GPR37L1: variants seen among roughly 807,000 people sequenced by gnomAD.
GPR37L1 encodes G protein-coupled receptor 37-like 1.
A neutral mutation model predicts 18.0 loss-of-function variants in GPR37L1; 18 were observed. The ratio of observed to expected loss-of-function variants is 1.00; its 90% CI spans 0.69 to 1.49. The LOEUF (loss-of-function observed/expected upper bound fraction) is 1.49, where lower values mean the gene tolerates loss of function less well. Ranked by LOEUF, GPR37L1 falls within the 40% of genes most tolerant of loss-of-function variation. The pLI is 0.00. For synonymous variants in GPR37L1, 256 were observed against 273.9 expected, an observed-to-expected ratio of 0.93 and a Z score of 0.65; for missense variants, 558 against 615.1, an observed-to-expected ratio of 0.91 and a Z score of 0.98.
rs1272771573 is a variant in GPR37L1, at chr1:202,130,983, C to A, written c.*2427C>A. Reference sequence around the variant, plus strand: ...GGCTCTGCCACCGCCACCTCCCAAGCCTGCCAACGTGAATGGCTTGCAGAA... The same window carrying A: ...GGCTCTGCCACCGCCACCTCCCAAGACTGCCAACGTGAATGGCTTGCAGAA... On this transcript the variant is annotated 3_prime_UTR_variant, in exon 2 of 2. Coordinates refer to ENST00000367282, the MANE Select transcript of GPR37L1 (RefSeq NM_004767.5). 1 of 152,258 alleles carries A rather than the reference C, an allele frequency of 6.6e-6. No individual in the cohort carries two copies. The highest frequency in any genetic ancestry group is 2.4e-5 in the African/African-American group (1 of 41,456). 9.4% of individuals were successfully genotyped at this position (152,258 alleles called of 1,614,324 possible). A position where few individuals can be genotyped will look rare whatever the true frequency, so the allele number is the denominator to read the frequency against.
Position 202,128,507 on chromosome 1 carries a change from A to G in GPR37L1, c.1397A>G (p.His466Arg). Reference sequence around the variant, plus strand: ...GAGGTGTCCTCTTCCATCTACTTCCACAAGCCCAGGGAGTCACCCCCACTC... The same window carrying G: ...GAGGTGTCCTCTTCCATCTACTTCCGCAAGCCCAGGGAGTCACCCCCACTC... Reference protein sequence around the residue: ...KTEVSSSIYFHKPRESPPLLP... With the variant: ...KTEVSSSIYFRKPRESPPLLP... The change falls in exon 2 of 2, where the codon CAC becomes CGC. Residue 466 changes from histidine (H) to arginine (R), a missense_variant. By Grantham distance (29) the His-to-Arg change is conservative. Coordinates refer to ENST00000367282, the MANE Select transcript of GPR37L1 (RefSeq NM_004767.5). The G allele has an allele frequency of 6.3e-7, 1 of 1,584,494 alleles. No homozygotes were observed. Among genetic ancestry groups the G allele is most frequent in the Non-Finnish European group, 8.6e-7 (1 of 1,163,478 alleles).
chr1:202,123,214 C>T lies in GPR37L1; in HGVS notation c.251C>T (p.Ala84Val). ...AGLQPTKPLV[A>V]TSPNPGKDGG... is the part of the protein sequence containing the mutation. ...CTGCAGCCAACCAAGCCCTTGGTGG[C>T]CACCAGCCCTAACCCCGGCAAGGAT... Residue 84 changes from alanine (A) to valine (V), a missense_variant, in exon 1 of 2, where the codon GCC (alanine) becomes GTC (valine). Physicochemically the swap from Ala to Val is moderately conservative, Grantham distance 64. Coordinates refer to ENST00000367282, the MANE Select transcript of GPR37L1 (RefSeq NM_004767.5). 6.2e-7 allele frequency: 1 copy of T among 1,613,780 alleles called. No individual in the cohort carries two copies. Among genetic ancestry groups the T allele is most frequent in the Non-Finnish European group, 8.5e-7 (1 of 1,179,892 alleles).
At position 202,122,927 on chromosome 1, in the gene GPR37L1, G is replaced by A. The variant is rs779243117; in HGVS notation, c.-37G>A. On this transcript the variant is annotated 5_prime_UTR_variant, in exon 1 of 2. Coordinates refer to ENST00000367282, the MANE Select transcript of GPR37L1 (RefSeq NM_004767.5). The stretch of plus-strand genomic sequence containing the variant: ...GCTCTTGGGCCCCCTGCACTCACCT[G>A]CTCTTCCTGGGCTGGCTGTCTCCTG... 5.6e-6 allele frequency: 9 copies of A among 1,609,604 alleles called. No individual in the cohort carries two copies. In the East Asian group the frequency reaches 8.9e-5, roughly 16 times the overall value.
In GPR37L1 at chr1:202,123,585, T is replaced by G. The variant is rs1314468156; in HGVS notation, c.622T>G (p.Phe208Val). ...LGDVSCRAVPFMEVSSLGVTT... is the reference protein window; with the variant it reads ...LGDVSCRAVPVMEVSSLGVTT... ...TGACGTTTCTTGTCGTGCCGTGCCC[T>G]TCATGGAGGTGAGTGTGTGTTCTGT... The change falls in exon 1 of 2, where the codon TTC becomes GTC. Residue 208 changes from phenylalanine to valine, a missense_variant. Phe to Val is a conservative substitution (Grantham distance 50). Transcript: ENST00000367282. The G allele has an allele frequency of 6.3e-7, 1 of 1,579,732 alleles. No individual in the cohort carries two copies. The highest frequency in any genetic ancestry group is 8.6e-7 in the Non-Finnish European group (1 of 1,163,572).
Position 202,131,114 on chromosome 1 carries a change from G to T in GPR37L1, c.*2558G>T, listed in dbSNP as rs566812744. On this transcript the variant is annotated 3_prime_UTR_variant, in exon 2 of 2. Transcript: ENST00000367282. ...TTGCTTAGGGGTCCCAGGCTTGCGG[G>T]GGGGTTGGCACATGGTGGGCAGTGG... 1 of 152,328 alleles carries T rather than the reference G, an allele frequency of 6.6e-6. No individual in the cohort carries two copies. Among genetic ancestry groups the T allele is most frequent in the African/African-American group, 2.4e-5 (1 of 41,452 alleles). The allele number at this position is 152,328 out of a possible 1,614,324, so 9.4% of individuals were successfully genotyped here. A position where few individuals can be genotyped will look rare whatever the true frequency, so the allele number is the denominator to read the frequency against.
rs1415435877 is a variant in GPR37L1, at chr1:202,128,587, G to A, written c.*31G>A. ...CAGTAGGGGTGGGGAGGGAGGGAGA[G>A]GCCGCCACCCCCGCCGGTGTCTGCT... On this transcript the variant is annotated 3_prime_UTR_variant, in exon 2 of 2. Coordinates refer to ENST00000367282, the MANE Select transcript of GPR37L1 (RefSeq NM_004767.5). 3 of 1,249,510 alleles carry A rather than the reference G, an allele frequency of 2.4e-6. No individual in the cohort carries two copies. Among genetic ancestry groups the A allele is most frequent in the Non-Finnish European group, 3.4e-6 (3 of 893,734 alleles). 77.4% of individuals were successfully genotyped at this position (1,249,510 alleles called of 1,614,324 possible). A position where few individuals can be genotyped will look rare whatever the true frequency, so the allele number is the denominator to read the frequency against.
At chr1:202,127,184 G>C (rs1427942453) in intron 1 of GPR37L1, among the ~76,000 whole-genome samples, 1 of 152,194 alleles carries the variant, frequency 6.6e-6, no homozygotes, top group Non-Finnish European at 1.5e-5. Context: ...CAATGGTAAG[G>C]TGGTTGATTG....
Position 202,123,183 on chromosome 1 carries a change from G to A in GPR37L1, c.220G>A (p.Ala74Thr), listed in dbSNP as rs1327345863. The A allele has an allele frequency of 3.1e-6, 5 of 1,613,462 alleles. No individual in the cohort carries two copies. The African/African-American group carries it at 4.0e-5, about 13-fold the overall frequency. ...GGAGTACCCCCGGCCCATTCACCCTGCTGGCCTGCAGCCAACCAAGCCCTT... is the reference window on the plus strand; with the variant it reads ...GGAGTACCCCCGGCCCATTCACCCTACTGGCCTGCAGCCAACCAAGCCCTT... ...WAEYPRPIHP[A>T]GLQPTKPLVA... is the part of the protein sequence containing the mutation. Residue 74 changes from alanine (A) to threonine (T), a missense_variant, in exon 1 of 2, where the codon GCT becomes ACT. By Grantham distance (58) the Ala-to-Thr change is moderately conservative. Coordinates refer to ENST00000367282, the MANE Select transcript of GPR37L1 (RefSeq NM_004767.5).
At position 202,128,475 on chromosome 1, in the gene GPR37L1, C is replaced by T; in HGVS notation, c.1365C>T (p.Leu455=). The change falls in exon 2 of 2, where the codon CTC becomes CTT. Residue 455 remains leucine (L), a synonymous_variant. Transcript: ENST00000367282. ...ASAANGSDNK[L]KTEVSSSIYF... ...CTGCCAATGGGTCGGACAACAAGCT[C>T]AAGACCGAGGTGTCCTCTTCCATCT... 1.9e-6 allele frequency: 3 copies of T among 1,609,866 alleles called. No individual in the cohort carries two copies. Among genetic ancestry groups the T allele is most frequent in the East Asian group, 4.5e-5 (2 of 44,744 alleles).
chr1:202,123,047 GC>G lies in GPR37L1; in HGVS notation c.85del (p.His29ThrfsTer74). 1 of 1,613,654 alleles carries G rather than the reference GC, an allele frequency of 6.2e-7. No homozygotes were observed. The highest frequency in any genetic ancestry group is 8.5e-7 in the Non-Finnish European group (1 of 1,180,004). Reference protein sequence around the residue: ...LSRVSGGAPLHLGRHRAETQE... With the variant: ...LSRVSGGAPLXLGRHRAETQE... ...GCAGGGTCTCTGGGGGTGCCCCCCT[GC>G]ACCTGGGCAGGCACAGAGCCGAGAC... is the stretch of plus-strand genomic sequence containing the variant. On this transcript the variant is annotated frameshift_variant, in exon 1 of 2. Transcript: ENST00000367282. LOFTEE classifies it high-confidence loss of function.
At chr1:202,125,461 T>C (rs1654634161) in intron 1 of GPR37L1, among the ~76,000 whole-genome samples, 1 of 152,124 alleles carries the variant, frequency 6.6e-6, no homozygotes, top group Admixed American at 6.6e-5. Context: ...TAAAATGGTA[T>C]AGAGGAGAAG....
Position 202,128,132 on chromosome 1 carries a change from G to A in GPR37L1, c.1022G>A (p.Arg341Lys). 6.2e-7 allele frequency: 1 copy of A among 1,614,100 alleles called. No homozygotes were observed. Among genetic ancestry groups the A allele is most frequent in the Non-Finnish European group, 8.5e-7 (1 of 1,180,038 alleles). ...VTWRVRGPPGRKSECRASKHE... is the reference protein window; with the variant it reads ...VTWRVRGPPGKKSECRASKHE... ...TGGCGGGTGCGAGGCCCTCCAGGGA[G>A]GAAGTCAGAGTGCAGGGCCAGCAAG... The change falls in exon 2 of 2, where the codon AGG (arginine) becomes AAG (lysine). Residue 341 changes from arginine (R) to lysine (K), a missense_variant. Coordinates refer to ENST00000367282, the MANE Select transcript of GPR37L1 (RefSeq NM_004767.5).
rs560369185 is a variant in GPR37L1 at position 202,132,813 on chromosome 1, A to G, written c.*4257A>G. The G allele has an allele frequency of 1.9e-3, 296 of 152,702 alleles. No homozygotes were observed. The highest frequency in any genetic ancestry group is 2.6e-3 in the Non-Finnish European group (178 of 68,426). 9.5% of individuals were successfully genotyped at this position (152,702 alleles called of 1,614,324 possible). A position where few individuals can be genotyped will look rare whatever the true frequency, so the allele number is the denominator to read the frequency against. ...CGGGTGGGGGACTAGAATCCAGCAG[A>G]GGAGCGAGGGCAGGGCTCCTACCAG... On this transcript the variant is annotated 3_prime_UTR_variant, in exon 2 of 2. Coordinates refer to ENST00000367282, the MANE Select transcript of GPR37L1 (RefSeq NM_004767.5).
rs758090990 is a variant in GPR37L1 at position 202,128,173 on chromosome 1, A to G, written c.1063A>G (p.Ser355Gly). The G allele has an allele frequency of 1.6e-5, 26 of 1,613,876 alleles. No homozygotes were observed. Among genetic ancestry groups the G allele is most frequent in the African/African-American group, 4.0e-5 (3 of 74,900 alleles). ...GGCCAGCAAGCACGAGCAGTGTGAG[A>G]GCCAGCTCAACAGCACCGTGGTGGG... ...CRASKHEQCE[S>G]QLNSTVVGLT... Residue 355 changes from serine (S) to glycine (G), a missense_variant, in exon 2 of 2, where the codon AGC becomes GGC. Transcript: ENST00000367282.
Position 202,127,783 on chromosome 1 carries a change from G to A in GPR37L1, c.673G>A (p.Gly225Ser), listed in dbSNP as rs551560424. ...GVTTFSLCAL[G>S]IDRFHVATST... ...CACGACTTTCAGCCTCTGTGCCCTG[G>A]GCATTGACCGCTTCCACGTGGCCAC... The change falls in exon 2 of 2, where the codon GGC becomes AGC. Residue 225 changes from glycine (G) to serine (S), a missense_variant. Transcript: ENST00000367282. 1.2e-6 allele frequency: 2 copies of A among 1,602,954 alleles called. No homozygotes were observed. Among genetic ancestry groups the A allele is most frequent in the African/African-American group, 2.7e-5 (2 of 74,856 alleles).
In GPR37L1 at chr1:202,127,805, C is replaced by T; in HGVS notation, c.695C>T (p.Ala232Val). Reference protein sequence around the residue: ...CALGIDRFHVATSTLPKVRPI... With the variant: ...CALGIDRFHVVTSTLPKVRPI... ...CTGGGCATTGACCGCTTCCACGTGGCCACCAGCACCCTGCCCAAGGTGAGG... is the reference window on the plus strand; with the variant it reads ...CTGGGCATTGACCGCTTCCACGTGGTCACCAGCACCCTGCCCAAGGTGAGG... The change falls in exon 2 of 2, where the codon GCC (alanine) becomes GTC (valine). Residue 232 changes from alanine to valine, a missense_variant. Transcript: ENST00000367282. 6.2e-7 allele frequency: 1 copy of T among 1,610,962 alleles called. No homozygotes were observed. Among genetic ancestry groups the T allele is most frequent in the Non-Finnish European group, 8.5e-7 (1 of 1,178,080 alleles).
rs1571709431 is a variant in GPR37L1, at chr1:202,122,979, C to G, written c.16C>G (p.Pro6Ala). 2 of 1,612,858 alleles carry G rather than the reference C, an allele frequency of 1.2e-6. No homozygotes were observed. The highest frequency in any genetic ancestry group is 1.9e-4 in the Middle Eastern group (1 of 5,152). Reference sequence around the variant, plus strand: ...TCATCCAGCCATGCGGTGGCTGTGGCCCCTGGCTGTCTCTCTTGCTGTGAT... The same window carrying G: ...TCATCCAGCCATGCGGTGGCTGTGGGCCCTGGCTGTCTCTCTTGCTGTGAT... MRWLWPLAVSLAVILA... is the reference protein window; with the variant it reads MRWLWALAVSLAVILA... The change falls in exon 1 of 2, where the codon CCC becomes GCC. Residue 6 changes from proline to alanine, a missense_variant. Pro to Ala is a conservative substitution (Grantham distance 27). Transcript: ENST00000367282.
rs2147808040 is a variant in GPR37L1 at position 202,131,127 on chromosome 1, T to C, written c.*2571T>C. 6.6e-6 allele frequency: 1 copy of C among 152,362 alleles called. No homozygotes were observed. Among genetic ancestry groups the C allele is most frequent in the South Asian group, 2.1e-4 (1 of 4,824 alleles). 9.4% of individuals were successfully genotyped at this position (152,362 alleles called of 1,614,324 possible). A position where few individuals can be genotyped will look rare whatever the true frequency, so the allele number is the denominator to read the frequency against. ...CCAGGCTTGCGGGGGGGTTGGCACA[T>C]GGTGGGCAGTGGACTTGAGCTGGGA... On this transcript the variant is annotated 3_prime_UTR_variant, in exon 2 of 2. Transcript: ENST00000367282.
At position 202,123,609 on chromosome 1, in the gene GPR37L1, G is replaced by C. The variant is rs753650278; in HGVS notation, c.630+16G>C. Reference sequence around the variant, plus strand: ...CTTCATGGAGGTGAGTGTGTGTTCTGTTTGAGCTCTGCTGGGAGGCTGCAA... The same window carrying C: ...CTTCATGGAGGTGAGTGTGTGTTCTCTTTGAGCTCTGCTGGGAGGCTGCAA... On this transcript the variant is annotated intron_variant, in intron 1 of 1. Coordinates refer to ENST00000367282, the MANE Select transcript of GPR37L1 (RefSeq NM_004767.5). 3 of 1,554,016 alleles carry C rather than the reference G, an allele frequency of 1.9e-6. No individual in the cohort carries two copies. The highest frequency in any genetic ancestry group is 2.5e-5 in the South Asian group (2 of 79,754).
Sources: allele counts gnomAD v4.1 joint callset (sites outside exome capture counted in the v4.1 genomes callset), GRCh38; gene constraint gnomAD v4.1.1; transcripts MANE v1.5; gene names NCBI Gene and HGNC (gene_info 2026-07-23, HGNC 2026-07-21).